SCFD2: variants seen among roughly 807,000 people sequenced by gnomAD.
The protein encoded by SCFD2 is sec1 family domain-containing protein 2.
Under a neutral mutation model 58.9 loss-of-function variants are expected in SCFD2, and 54 were observed. That is an observed-to-expected ratio of 0.92 (90% CI 0.74 to 1.15). SCFD2 has a LOEUF of 1.15. SCFD2 is among the 50% of genes most tolerant of loss of function. The pLI, the probability that SCFD2 is intolerant of heterozygous loss-of-function variation, is 0.00. For missense variants in SCFD2, 805 were observed against 836.6 expected (o/e 0.96, Z 0.47); for synonymous variants, 321 against 335.9 (o/e 0.96, Z 0.49).
At chr4:53,041,112 G>C (rs2148824480) in intron 5 of SCFD2, among the ~76,000 whole-genome samples, 1 of 152,232 alleles carries the variant, frequency 6.6e-6, no homozygotes, top group South Asian at 2.1e-4. Flanking sequence ...GGGCAGACTG[G>C]AATATAAAAC....
intron 4 of SCFD2, among the ~76,000 whole-genome samples, chr4:53,160,044 G>A (rs1460745080): frequency 8.5e-5 from 13 of 152,190 alleles, no homozygotes; most frequent in African/African-American, 3.1e-4. Context: ...ACTATGGCAT[G>A]GGCTTCAGAT....
At chr4:53,332,555 T>G (rs1184256976) in intron 2 of SCFD2, among the ~76,000 whole-genome samples, 3 of 152,220 alleles carry the variant, frequency 2.0e-5, no homozygotes, top group Admixed American at 6.5e-5. Flanking sequence ...CAACCCTTAA[T>G]GCTAAAAACT....
At chr4:53,340,116 G>C (rs1199589135) in intron 2 of SCFD2, among the ~76,000 whole-genome samples, 2 of 152,112 alleles carry the variant, frequency 1.3e-5, no homozygotes, top group African/African-American at 4.8e-5. Flanking sequence ...CAGACAGTGG[G>C]GGCAGGACAG....
In SCFD2 at chr4:53,365,376, C is replaced by T; in HGVS notation, c.566G>A (p.Ser189Asn). The change falls in exon 1 of 9, where the codon AGC becomes AAC. Residue 189 changes from serine (S) to asparagine (N), a missense_variant. Coordinates refer to ENST00000401642, the MANE Select transcript of SCFD2 (RefSeq NM_152540.4). This position sits in a 1 kb window ranked among gnomAD's most constrained non-coding sequence, Gnocchi z 4.3. ...CAGCTTCCTCTTGTCCGGTCGGGCGCTATTAAGGAGGTGCACATCCTGGGG... is the reference window on the plus strand; with the variant it reads ...CAGCTTCCTCTTGTCCGGTCGGGCGTTATTAAGGAGGTGCACATCCTGGGG... ...LLPQDVHLLNSARPDKRKLGS... is the reference protein window; with the variant it reads ...LLPQDVHLLNNARPDKRKLGS... 1 of 1,614,134 alleles carries T rather than the reference C, an allele frequency of 6.2e-7. No individual in the cohort carries two copies. Among genetic ancestry groups the T allele is most frequent in the Middle Eastern group, 1.6e-4 (1 of 6,062 alleles).
intron 3 of SCFD2, among the ~76,000 whole-genome samples, chr4:53,294,500 G>A (rs1233301175): frequency 2.0e-5 from 3 of 151,972 alleles, no homozygotes; most frequent in Non-Finnish European, 2.9e-5. Context: ...TTTTTTTCTT[G>A]TAAATTTGTT....
chr4:53,168,929 A>T (rs1430982002), intron 4 of SCFD2, among the ~76,000 whole-genome samples: 2 of 152,148 alleles, frequency 1.3e-5, no homozygotes, highest in Admixed American at 6.5e-5. Flanking sequence ...GATAACTACC[A>T]TTCTACTCTC....
intron 5 of SCFD2, among the ~76,000 whole-genome samples, chr4:53,140,381 C>T (rs866494834): frequency 6.9e-4 from 12 of 17,322 alleles, no homozygotes; most frequent in Middle Eastern, 0.067. Context: ...AAAAAGAACA[C>T]CAAAAATGCT....
intron 5 of SCFD2, among the ~76,000 whole-genome samples, chr4:53,062,070 A>G (rs1408206664): frequency 6.6e-6 from 1 of 151,746 alleles, no homozygotes. Context: ...ATAATATGTA[A>G]CATAATAATA....
intron 3 of SCFD2, among the ~76,000 whole-genome samples, chr4:53,305,797 G>T (rs1440182311): frequency 1.3e-5 from 2 of 152,170 alleles, no homozygotes; most frequent in East Asian, 3.9e-4. Context: ...GAACTCTTTA[G>T]GTTTTTAAGA....
At chr4:53,182,186 C>T (rs201924947) in intron 4 of SCFD2, among the ~76,000 whole-genome samples, 1 of 152,134 alleles carries the variant, frequency 6.6e-6, no homozygotes, top group South Asian at 2.1e-4. Flanking sequence ...AAAGAGCCCA[C>T]ACTGCCAAGT....
At chr4:52,906,647 G>A (rs183821778) in intron 7 of SCFD2, among the ~76,000 whole-genome samples, 7 of 152,290 alleles carry the variant, frequency 4.6e-5, no homozygotes, top group East Asian at 1.9e-4. Context: ...ATTGTCTGGC[G>A]TCTGTCCTCT....
chr4:53,164,531 T>C (rs1325716901), intron 4 of SCFD2, among the ~76,000 whole-genome samples: 1 of 152,114 alleles, frequency 6.6e-6, no homozygotes, highest in East Asian at 1.9e-4. Context: ...TGGTGTCTCA[T>C]GCCTGTAATC....
chr4:53,247,189 A>C (rs1298105619), intron 4 of SCFD2, among the ~76,000 whole-genome samples: 2 of 152,232 alleles, frequency 1.3e-5, no homozygotes, highest in Non-Finnish European at 2.9e-5. Context: ...AGAAATGCAA[A>C]TAAAAACCAT....
intron 3 of SCFD2, among the ~76,000 whole-genome samples, chr4:53,288,150 A>G (rs1051066687): frequency 3.3e-5 from 5 of 152,030 alleles, no homozygotes; most frequent in African/African-American, 7.2e-5. Flanking sequence ...ATCAAGCAGA[A>G]GAAAGAATCT....
At chr4:53,282,378 A>G (rs1731533091) in intron 3 of SCFD2, among the ~76,000 whole-genome samples, 2 of 151,970 alleles carry the variant, frequency 1.3e-5, no homozygotes, top group African/African-American at 4.8e-5. Flanking sequence ...CCTACATTTT[A>G]GGAGATTTTC....
intron 5 of SCFD2, among the ~76,000 whole-genome samples, chr4:52,996,110 A>C (rs1721735655): frequency 6.6e-6 from 1 of 152,230 alleles, no homozygotes. Context: ...CTAAACAAAA[A>C]GTCACCTCGA....
intron 4 of SCFD2, among the ~76,000 whole-genome samples, chr4:53,203,473 A>G (rs879492437): frequency 6.6e-6 from 1 of 152,138 alleles, no homozygotes; most frequent in Non-Finnish European, 1.5e-5. Flanking sequence ...ATAGAAAAAT[A>G]AATACACTCC....
At chr4:52,891,419 GCAT>G (rs1213009002) in intron 7 of SCFD2, among the ~76,000 whole-genome samples, 1 of 152,192 alleles carries the variant, frequency 6.6e-6, no homozygotes, top group Non-Finnish European at 1.5e-5. Context: ...TAAGTGACAA[GCAT>G]CACTTTATGC....
intron 2 of SCFD2, among the ~76,000 whole-genome samples, chr4:53,343,725 T>C (rs558136755): frequency 1.3e-5 from 2 of 152,240 alleles, no homozygotes; most frequent in Admixed American, 6.5e-5. Flanking sequence ...GCAAACTGAA[T>C]CCAGCAGCAC....
Sources: allele counts gnomAD v4.1 joint callset (sites outside exome capture counted in the v4.1 genomes callset), GRCh38; gene constraint gnomAD v4.1.1; non-coding constraint Gnocchi (gnomAD v3.1); transcripts MANE v1.5; gene names NCBI Gene and HGNC (gene_info 2026-07-23, HGNC 2026-07-21).